Variants in CSMD1 observed in about 807,000 individuals in gnomAD.
CSMD1 encodes CUB and Sushi multiple domains 1, also known as CUB and sushi domain-containing protein 1.
Under a neutral mutation model 417.5 loss-of-function variants are expected in CSMD1, and 213 were observed. The ratio of observed to expected loss-of-function variants is 0.51; its 90% confidence interval spans 0.46 to 0.57. CSMD1 has a LOEUF of 0.57. Among genes scored for constraint, CSMD1 ranks in the 20% least tolerant of loss-of-function variants. The probability of loss-of-function intolerance (pLI) is 0.00; values close to 1 mark genes in which losing one functional copy is unlikely to be tolerated. For missense variants in CSMD1, 6,923 were observed against 4,529.7 expected (o/e 1.53, Z -15.17); for synonymous variants, 2,862 against 1,736.8 (o/e 1.65, Z -16.11).
chr8:3,257,043 C>T (rs1433776991), intron 26 of CSMD1, among the ~76,000 whole-genome samples: 5 of 152,128 alleles, frequency 3.3e-5, no homozygotes, highest in Admixed American at 2.6e-4. Flanking sequence ...TTCTGAGGGC[C>T]AGGTACAGTG....
intron 1 of CSMD1, among the ~76,000 whole-genome samples, chr8:4,810,219 T>C (rs1185705031): frequency 6.6e-6 from 1 of 152,230 alleles, no homozygotes; most frequent in African/African-American, 2.4e-5. Context: ...CTGTCATGTA[T>C]TAAAAGTAAA....
At chr8:4,497,040 CTCTG>C (rs1379711991) in intron 2 of CSMD1, among the ~76,000 whole-genome samples, 2 of 152,198 alleles carry the variant, frequency 1.3e-5, no homozygotes, top group Non-Finnish European at 1.5e-5. Context: ...CCCATTTCCT[CTCTG>C]TCTCTTTCTC....
chr8:4,748,222 A>G (rs1417836716), intron 1 of CSMD1, among the ~76,000 whole-genome samples: 1 of 152,250 alleles, frequency 6.6e-6, no homozygotes, highest in East Asian at 1.9e-4. Context: ...CTTAAATGGA[A>G]ACAAGAAGAA....
chr8:3,878,362 G>T (rs1309064359), intron 5 of CSMD1, among the ~76,000 whole-genome samples: 1 of 151,854 alleles, frequency 6.6e-6, no homozygotes, highest in African/African-American at 2.4e-5. Flanking sequence ...TTCTTTATTT[G>T]ATACACGAAG....
In CSMD1 at chr8:3,982,673, G is replaced by A. The variant is rs980895699; in HGVS notation, c.818+15230C>T. 3.3e-5 allele frequency among the ~76,000 whole-genome samples: 5 copies of A among 152,016 alleles called. No individual in the cohort carries two copies. In the South Asian group the frequency reaches 6.2e-4, roughly 19 times the overall value. ...CAAAGATAGGGCAGATCTGAGACCA[G>A]GGTGGCGGACCGGAAGCCTCATAAG... On this transcript the variant is annotated intron_variant, in intron 5 of 69. Coordinates refer to ENST00000635120, the MANE Select transcript of CSMD1 (RefSeq NM_033225.6).
At chr8:3,720,878 C>G (rs949032026) in intron 6 of CSMD1, among the ~76,000 whole-genome samples, 1 of 150,502 alleles carries the variant, frequency 6.6e-6, no homozygotes. Flanking sequence ...ATGGCGTGAT[C>G]TCGGCTCACT....
At chr8:3,457,761 G>C (rs1816248989) in intron 12 of CSMD1, among the ~76,000 whole-genome samples, 1 of 152,144 alleles carries the variant, frequency 6.6e-6, no homozygotes. Flanking sequence ...TGAGAAAATT[G>C]AAAGCAACAA....
intron 5 of CSMD1, among the ~76,000 whole-genome samples, chr8:3,848,103 T>G (rs1803637354): frequency 6.7e-6 from 1 of 148,514 alleles, no homozygotes; most frequent in African/African-American, 2.6e-5. Flanking sequence ...ATATATATAC[T>G]TACTTAGTGC....
intron 3 of CSMD1, among the ~76,000 whole-genome samples, chr8:4,416,498 C>G (rs1368486633): frequency 6.6e-6 from 1 of 152,026 alleles, no homozygotes; most frequent in Admixed American, 6.6e-5. Context: ...GACTTTAGAA[C>G]CAAAATAATG....
intron 1 of CSMD1, among the ~76,000 whole-genome samples, chr8:4,653,964 G>C (rs1002134996): frequency 4.6e-5 from 7 of 151,936 alleles, no homozygotes; most frequent in Non-Finnish European, 7.4e-5. Context: ...GATTGGATTG[G>C]TTTCATTTAC....
At chr8:3,500,762 G>A (rs982096328) in intron 10 of CSMD1, among the ~76,000 whole-genome samples, 6 of 152,124 alleles carry the variant, frequency 3.9e-5, no homozygotes, top group South Asian at 2.1e-4. Context: ...GGATAACCAT[G>A]GCAAGAAAGA....
intron 1 of CSMD1, among the ~76,000 whole-genome samples, chr8:4,873,852 A>G (rs1387904900): frequency 1.3e-5 from 2 of 152,136 alleles, no homozygotes; most frequent in African/African-American, 4.8e-5. Flanking sequence ...TATAAAGGTG[A>G]TTAGATGAAT....
chr8:4,134,230 C>T (rs979032527), intron 3 of CSMD1, among the ~76,000 whole-genome samples: 1 of 152,122 alleles, frequency 6.6e-6, no homozygotes, highest in African/African-American at 2.4e-5. Context: ...TGTGTCTCCC[C>T]AGAGTTCGTA....
At chr8:3,656,023 T>C (rs549593068) in intron 7 of CSMD1, among the ~76,000 whole-genome samples, 7 of 152,302 alleles carry the variant, frequency 4.6e-5, no homozygotes, top group South Asian at 2.1e-4. Flanking sequence ...TCTGCAAAGA[T>C]GGACATCTCT....
chr8:4,217,910 A>C (rs145147328), intron 3 of CSMD1, among the ~76,000 whole-genome samples: 55 of 152,062 alleles, frequency 3.6e-4, no homozygotes, highest in African/African-American at 1.2e-3. Context: ...CTATGCAAAG[A>C]AGAAGAACAA....
intron 10 of CSMD1, among the ~76,000 whole-genome samples, chr8:3,517,883 G>A (rs986866414): frequency 1.3e-5 from 2 of 152,114 alleles, no homozygotes; most frequent in Non-Finnish European, 2.9e-5. Context: ...ATTCTTAAAG[G>A]AGATTTAAAG....
chr8:3,020,608 A>G (rs1234136753), intron 51 of CSMD1, among the ~76,000 whole-genome samples: 1 of 152,142 alleles, frequency 6.6e-6, no homozygotes, highest in Non-Finnish European at 1.5e-5. Context: ...TCCTGGGCTC[A>G]GGCGAATCCT....
At chr8:3,307,943 T>C in intron 24 of CSMD1, 122 bp from the exon 25 acceptor site, 1 of 1,082,088 alleles carries the variant, frequency 9.2e-7, no homozygotes, top group Non-Finnish European at 1.3e-6. Context: ...AGAATCACCA[T>C]CATCTCTCTC....
intron 55 of CSMD1, among the ~76,000 whole-genome samples, chr8:2,977,099 T>G (rs562820519): frequency 6.6e-6 from 1 of 152,242 alleles, no homozygotes; most frequent in Admixed American, 6.5e-5. Context: ...ACAACTTTAT[T>G]CATTTATTTT....
Sources: allele counts gnomAD v4.1 joint callset (sites outside exome capture counted in the v4.1 genomes callset), GRCh38; gene constraint gnomAD v4.1.1; transcripts MANE v1.5; gene names NCBI Gene and HGNC (gene_info 2026-07-23, HGNC 2026-07-21).